Variants in WWC2 observed in about 807,000 individuals in gnomAD.
The protein encoded by WWC2 is WW and C2 domain containing 2.
A neutral mutation model predicts 138.5 loss-of-function variants in WWC2; 101 were observed. The observed-to-expected ratio is 0.73, with a 90% CI of 0.62 to 0.86. WWC2 has a LOEUF of 0.86. Among genes scored for constraint, WWC2 ranks in the 40% least tolerant of loss-of-function variants. The probability of loss-of-function intolerance (pLI) is 0.00; values close to 1 mark genes in which losing one functional copy is unlikely to be tolerated. For synonymous variants in WWC2, 558 were observed against 538.4 expected, an observed-to-expected ratio of 1.04 and a Z score of -0.50; for missense variants, 1,420 against 1,419.4, an observed-to-expected ratio of 1.00 and a Z score of -0.01.
intron 6 of WWC2, among the ~76,000 whole-genome samples, chr4:183,248,093 T>C (rs1478773426): frequency 6.6e-6 from 1 of 152,120 alleles, no homozygotes; most frequent in African/African-American, 2.4e-5. Context: ...GCAGGCACAT[T>C]TGCTTTTGAT....
At chr4:183,186,722 T>C (rs556338923) in intron 1 of WWC2, among the ~76,000 whole-genome samples, 1 of 151,466 alleles carries the variant, frequency 6.6e-6, no homozygotes, top group East Asian at 1.9e-4. Flanking sequence ...AGGAGTGGGG[T>C]GTGTGGGTCT....
chr4:183,118,785 G>A (rs1483571003), intron 1 of WWC2, among the ~76,000 whole-genome samples: 2 of 152,160 alleles, frequency 1.3e-5, no homozygotes, highest in Non-Finnish European at 2.9e-5. Context: ...AAGACATTAT[G>A]GGGCTGCAGC....
intron 21 of WWC2, among the ~76,000 whole-genome samples, chr4:183,310,550 T>G (rs751522278): frequency 1.3e-5 from 2 of 152,160 alleles, no homozygotes; most frequent in African/African-American, 4.8e-5. Flanking sequence ...TCACGAAGGC[T>G]GTAGTGCAGC....
At chr4:183,113,167 G>A (rs1457107375) in intron 1 of WWC2, among the ~76,000 whole-genome samples, 2 of 151,886 alleles carry the variant, frequency 1.3e-5, no homozygotes, top group African/African-American at 4.8e-5. Context: ...AGCTACTTGA[G>A]AGGTTGAGGC....
chr4:183,283,576 T>G lies in WWC2; in HGVS notation c.2884-650T>G, dbSNP rs1336135205. Reference sequence around the variant, plus strand: ...GCAAACTTTCATCAAGAGGCAGGTTTGGAATCAAATTATACCTATAAGATA... The same window carrying G: ...GCAAACTTTCATCAAGAGGCAGGTTGGGAATCAAATTATACCTATAAGATA... On this transcript the variant is annotated intron_variant, in intron 18 of 22. Transcript: ENST00000403733. 2.6e-5 allele frequency among the ~76,000 whole-genome samples: 4 copies of G among 152,264 alleles called. No homozygotes were observed. The East Asian group carries it at 7.7e-4, about 29-fold the overall frequency.
At chr4:183,289,841 A>C (rs1034560103) in intron 21 of WWC2, among the ~76,000 whole-genome samples, 2 of 151,356 alleles carry the variant, frequency 1.3e-5, no homozygotes, top group Admixed American at 1.3e-4. Flanking sequence ...GAAGCTGGGA[A>C]GGTGGGTGTG....
chr4:183,318,312 A>G lies in WWC2; in HGVS notation c.*2583A>G, dbSNP rs940323013. 6.6e-6 allele frequency: 1 copy of G among 152,602 alleles called. No homozygotes were observed. Among genetic ancestry groups the G allele is most frequent in the African/African-American group, 2.4e-5 (1 of 41,446 alleles). The allele number at this position is 152,602 out of a possible 1,614,324, so 9.5% of individuals were successfully genotyped here. ...AATTAAAATTTTTTGCTATTGCTTTATCTATATTGTCTTAAATATCAAAAG... is the reference window on the plus strand; with the variant it reads ...AATTAAAATTTTTTGCTATTGCTTTGTCTATATTGTCTTAAATATCAAAAG... On this transcript the variant is annotated 3_prime_UTR_variant, in exon 23 of 23. Transcript: ENST00000403733.
Position 183,261,658 on chromosome 4 carries a change from G to A in WWC2, c.1909+126G>A, listed in dbSNP as rs969630216. The A allele has an allele frequency of 2.5e-6, 3 of 1,188,116 alleles. No homozygotes were observed. In the African/African-American group the frequency reaches 4.6e-5, roughly 18 times the overall value. The allele number at this position is 1,188,116 out of a possible 1,614,324, so 73.6% of individuals were successfully genotyped here. On this transcript the variant is annotated intron_variant, in intron 11 of 22. Transcript: ENST00000403733. Reference sequence around the variant, plus strand: ...TCTCTTTCTTTTGAGTAATCGTTTTGGCTTCATTTAAGAAGGAGCTTTTAT... The same window carrying A: ...TCTCTTTCTTTTGAGTAATCGTTTTAGCTTCATTTAAGAAGGAGCTTTTAT...
intron 1 of WWC2, among the ~76,000 whole-genome samples, chr4:183,182,100 G>A (rs1734649478): frequency 1.3e-5 from 2 of 152,178 alleles, no homozygotes; most frequent in South Asian, 4.1e-4. Flanking sequence ...TGTTAACTGG[G>A]ATTATTCCTA....
intron 21 of WWC2, among the ~76,000 whole-genome samples, chr4:183,291,374 A>G (rs571494846): frequency 6.6e-6 from 1 of 152,344 alleles, no homozygotes; most frequent in Non-Finnish European, 1.5e-5. Flanking sequence ...GGTGGAAGGT[A>G]GTCTTATGAA....
chr4:183,312,160 A>G (rs1739271933), intron 21 of WWC2, among the ~76,000 whole-genome samples, 181 bp from the exon 22 acceptor site: 1 of 152,204 alleles, frequency 6.6e-6, no homozygotes. Context: ...CAACATATGC[A>G]CAGCATGAGT....
chr4:183,148,849 G>A (rs576384907), intron 1 of WWC2, among the ~76,000 whole-genome samples: 56 of 151,500 alleles, frequency 3.7e-4, no homozygotes, highest in African/African-American at 1.2e-3. Flanking sequence ...GGACCCAGCC[G>A]GGCACAGTAG....
Position 183,099,543 on chromosome 4 carries a change from G to A in WWC2, c.52G>A (p.Glu18Lys). ...GQLPLPRGWE[E>K]ARDYDGKVFY... ...GCTGCCGCTGCCCCGGGGCTGGGAG[G>A]AGGCCAGGGACTACGACGGCAAGGT... Residue 18 changes from glutamate to lysine, a missense_variant, in exon 1 of 23, where the codon GAG becomes AAG. Transcript: ENST00000403733. 2 of 1,412,376 alleles carry A rather than the reference G, an allele frequency of 1.4e-6. No individual in the cohort carries two copies. The highest frequency in any genetic ancestry group is 1.5e-5 in the African/African-American group (1 of 67,186). 87.5% of individuals were successfully genotyped at this position (1,412,376 alleles called of 1,614,324 possible).
chr4:183,190,109 G>C (rs370450274), intron 1 of WWC2, among the ~76,000 whole-genome samples: 1 of 152,172 alleles, frequency 6.6e-6, no homozygotes, highest in Admixed American at 6.5e-5. Context: ...TTTAAGCAAA[G>C]AGTAATCTCT....
At chr4:183,305,138 C>T (rs13108469) in intron 21 of WWC2, among the ~76,000 whole-genome samples, 48,560 of 151,890 alleles carry the variant, frequency 0.32, 7,918 homozygotes, top group South Asian at 0.4. Context: ...GACTCACGGG[C>T]ACACTGGACA....
chr4:183,129,826 G>A (rs888352389), intron 1 of WWC2, among the ~76,000 whole-genome samples: 1 of 152,072 alleles, frequency 6.6e-6, no homozygotes, highest in Non-Finnish European at 1.5e-5. Flanking sequence ...GTCTTTGATG[G>A]CTTTTGTGAT....
chr4:183,108,757 T>C (rs958033042), intron 1 of WWC2, among the ~76,000 whole-genome samples: 4 of 152,086 alleles, frequency 2.6e-5, no homozygotes, highest in Non-Finnish European at 5.9e-5. Context: ...ATTACAGGCA[T>C]GTGCCACCAC....
chr4:183,303,349 G>A (rs1023379799), intron 21 of WWC2, among the ~76,000 whole-genome samples: 1 of 152,138 alleles, frequency 6.6e-6, no homozygotes, highest in Non-Finnish European at 1.5e-5. Flanking sequence ...CTCATCCTTT[G>A]CCCTCCTGAA....
chr4:183,139,225 T>A (rs1733216110), intron 1 of WWC2, among the ~76,000 whole-genome samples: 1 of 152,182 alleles, frequency 6.6e-6, no homozygotes, highest in South Asian at 2.1e-4. Flanking sequence ...CAGCCATTGT[T>A]CCCATTTGGA....
Sources: gnomAD v4.1 joint callset for allele counts (sites outside exome capture counted in the v4.1 genomes callset) on GRCh38, gnomAD v4.1.1 for gene constraint, MANE v1.5 for transcripts, NCBI Gene and HGNC (gene_info 2026-07-23, HGNC 2026-07-21) for gene names.